Variants in CELF2 observed in about 807,000 individuals in gnomAD.
CELF2 encodes CUGBP Elav-like family member 2, also known as CUG triplet repeat RNA-binding protein 2.
Under a neutral mutation model 62.6 loss-of-function variants are expected in CELF2, and 8 were observed. That is an observed-to-expected ratio of 0.13 (90% CI 0.07 to 0.23). The LOEUF (loss-of-function observed/expected upper bound fraction) is 0.23, where lower values mean the gene tolerates loss of function less well. CELF2 is among the 10% of genes least tolerant of loss of function. CELF2 has a pLI of 1.00. For synonymous variants in CELF2, 258 were observed against 250.0 expected, an observed-to-expected ratio of 1.03 and a Z score of -0.30; for missense variants, 333 against 671.0, an observed-to-expected ratio of 0.50 and a Z score of 5.56.
At chr10:11,027,863 T>TC (rs532032123) in intron 1 of CELF2, among the ~76,000 whole-genome samples, 99 of 152,332 alleles carry the variant, frequency 6.5e-4, no homozygotes, top group African/African-American at 2.3e-3. Context: ...TGCTTACCTG[T>TC]CCCACAGTAT....
chr10:10,809,929 G>T (rs2131693166), intron 1 of CELF2, among the ~76,000 whole-genome samples: 1 of 151,904 alleles, frequency 6.6e-6, no homozygotes, highest in South Asian at 2.1e-4. Context: ...CTTTTTTATT[G>T]AACCAACAAT....
rs138270907 is a variant in CELF2, at chr10:11,313,824, T to C, written c.977-315T>C. ...AAAAAAAGAACTAAGCAAGATATTA[T>C]CCAATAATGAAGCCAAAGAATGATT... is the stretch of plus-strand genomic sequence containing the variant. On this transcript the variant is annotated intron_variant, in intron 9 of 12. Transcript: ENST00000633077. 8.8e-4 allele frequency among the ~76,000 whole-genome samples: 133 copies of C among 151,746 alleles called. 2 individuals carry two copies. The highest frequency in any genetic ancestry group is 3.4e-3 in the Middle Eastern group (1 of 292).
intron 1 of CELF2, among the ~76,000 whole-genome samples, chr10:10,867,468 T>C: frequency 6.6e-6 from 1 of 152,258 alleles, no homozygotes; most frequent in Middle Eastern, 3.2e-3. Flanking sequence ...ACAGATTCTA[T>C]AATATTCTGT....
At position 10,895,835 on chromosome 10, in the gene CELF2, C is replaced by T. The variant is rs191824580; in HGVS notation, c.54-24129C>T. Among the ~76,000 whole-genome samples the T allele has an allele frequency of 3.3e-5, 5 of 152,248 alleles. No homozygotes were observed. In the East Asian group the frequency reaches 9.6e-4, roughly 29 times the overall value. On this transcript the variant is annotated intron_variant, in intron 1 of 13. Transcript: ENST00000636488. ...CAGACAATGAAGGGCAGTGATCTTT[C>T]AGTGATGGGAAACAAATGGGATGAA...
At chr10:10,475,149 CT>C in the CELF2 span, among the ~76,000 whole-genome samples, 14 of 152,178 alleles carry the variant, frequency 9.2e-5, no homozygotes, top group African/African-American at 3.1e-4. Flanking sequence ...TTCTAGAGCA[CT>C]TTTTTTGTGT....
At chr10:11,042,357 T>C (rs142544608) in intron 1 of CELF2, among the ~76,000 whole-genome samples, 6 of 152,320 alleles carry the variant, frequency 3.9e-5, no homozygotes, top group African/African-American at 1.4e-4. Flanking sequence ...GTACAATTGG[T>C]GGACATCTTG....
chr10:10,911,619 A>G (rs1282206830), intron 1 of CELF2, among the ~76,000 whole-genome samples: 1 of 152,230 alleles, frequency 6.6e-6, no homozygotes, highest in East Asian at 1.9e-4. Context: ...TCCCCACGGC[A>G]GCGCCTCTCC....
the CELF2 span, among the ~76,000 whole-genome samples, chr10:10,540,858 A>C: frequency 6.6e-6 from 1 of 152,246 alleles, no homozygotes; most frequent in South Asian, 2.1e-4. Flanking sequence ...GCTAATCCAA[A>C]GGAATTCAGT....
At chr10:10,753,161 T>G in the CELF2 span, among the ~76,000 whole-genome samples, 2 of 152,196 alleles carry the variant, frequency 1.3e-5, no homozygotes, top group East Asian at 3.8e-4. Flanking sequence ...TTTGTGTGTA[T>G]TTGGTGGGGA....
the CELF2 span, among the ~76,000 whole-genome samples, chr10:10,603,242 C>T: frequency 6.6e-6 from 1 of 152,008 alleles, no homozygotes; most frequent in Non-Finnish European, 1.5e-5. Flanking sequence ...CGTAGGGAGA[C>T]TTAAATCTGT....
At chr10:11,087,441 A>C (rs1050734722) in intron 1 of CELF2, among the ~76,000 whole-genome samples, 1 of 152,208 alleles carries the variant, frequency 6.6e-6, no homozygotes, top group Non-Finnish European at 1.5e-5. Context: ...TTCTAACTGA[A>C]ATTGCCCAGG....
chr10:11,191,737 C>A lies in CELF2; in HGVS notation c.272-25688C>A, dbSNP rs1268246706. On this transcript the variant is annotated intron_variant, in intron 2 of 12. Coordinates refer to ENST00000633077, the MANE Select transcript of CELF2 (RefSeq NM_001326342.2). The surrounding 1 kb of genome is among the most constrained non-coding windows in gnomAD (Gnocchi z 4.1). ...CTTCTTCATAAGTGAAAAATAGTTACATAATGGTTATCTCATTGGTGTTTA... is the reference window on the plus strand; with the variant it reads ...CTTCTTCATAAGTGAAAAATAGTTAAATAATGGTTATCTCATTGGTGTTTA... 1.3e-5 allele frequency among the ~76,000 whole-genome samples: 2 copies of A among 152,156 alleles called. No homozygotes were observed. Among genetic ancestry groups the A allele is most frequent in the Non-Finnish European group, 2.9e-5 (2 of 68,018 alleles).
the CELF2 span, among the ~76,000 whole-genome samples, chr10:10,494,638 A>G: frequency 1.6e-4 from 25 of 152,306 alleles, no homozygotes; most frequent in Admixed American, 5.9e-4. Flanking sequence ...CCCTCAGCAT[A>G]ATCTTCTTCA....
intron 1 of CELF2, among the ~76,000 whole-genome samples, chr10:10,826,922 C>T (rs896289373): frequency 6.6e-6 from 1 of 152,076 alleles, no homozygotes; most frequent in Admixed American, 6.6e-5. Context: ...ACAAATGAGG[C>T]CGTGAACTGT....
chr10:10,837,763 T>C (rs1416036504), intron 1 of CELF2, among the ~76,000 whole-genome samples: 1 of 152,194 alleles, frequency 6.6e-6, no homozygotes, highest in African/African-American at 2.4e-5. Context: ...GGAAAAGTGC[T>C]GGCAAAGTGC....
At chr10:11,261,683 C>G (rs754012881) in intron 5 of CELF2, among the ~76,000 whole-genome samples, 1 of 152,178 alleles carries the variant, frequency 6.6e-6, no homozygotes, top group East Asian at 1.9e-4. Flanking sequence ...CTGCCATCTT[C>G]TCTAATTTGG....
At chr10:11,113,125 G>A (rs1235586449) in intron 1 of CELF2, among the ~76,000 whole-genome samples, 2 of 152,236 alleles carry the variant, frequency 1.3e-5, no homozygotes, top group Non-Finnish European at 2.9e-5. Context: ...ACAATTTTTA[G>A]TTACTGAGTG....
chr10:10,978,864 A>C (rs1261512778), intron 2 of CELF2, among the ~76,000 whole-genome samples: 1 of 152,236 alleles, frequency 6.6e-6, no homozygotes, highest in Admixed American at 6.5e-5. Context: ...AATACTCATA[A>C]GCAAGGAATA....
intron 1 of CELF2, among the ~76,000 whole-genome samples, chr10:11,134,957 T>A (rs1213993973): frequency 2.6e-5 from 4 of 152,268 alleles, no homozygotes; most frequent in Non-Finnish European, 5.9e-5. Flanking sequence ...TTGCAGTGTC[T>A]AGCATCAATG....
Sources: allele counts gnomAD v4.1 joint callset (sites outside exome capture counted in the v4.1 genomes callset), GRCh38; gene constraint gnomAD v4.1.1; non-coding constraint Gnocchi (gnomAD v3.1); transcripts MANE v1.5; gene names NCBI Gene and HGNC (gene_info 2026-07-23, HGNC 2026-07-21).